The following SEPTIN10 variants were observed in gnomAD, a reference collection of about 807,000 sequenced individuals.
SEPTIN10 encodes septin 10.
A neutral mutation model predicts 54.8 loss-of-function variants in SEPTIN10; 66 were observed. That is an observed-to-expected ratio of 1.21 (90% CI 0.99 to 1.48). The LOEUF (loss-of-function observed/expected upper bound fraction) is 1.48, where lower values mean the gene tolerates loss of function less well. Among genes scored for constraint, SEPTIN10 ranks in the 40% most tolerant of loss-of-function variants. The pLI is 0.00. For synonymous variants in SEPTIN10, 161 were observed against 181.0 expected, an observed-to-expected ratio of 0.89 and a Z score of 0.89; for missense variants, 620 against 545.6, an observed-to-expected ratio of 1.14 and a Z score of -1.36.
chr2:109,573,653 T>C (rs1246582226), intron 5 of SEPTIN10, among the ~76,000 whole-genome samples: 1 of 152,204 alleles, frequency 6.6e-6, no homozygotes, highest in Non-Finnish European at 1.5e-5. Context: ...TAATTCAACT[T>C]ATACAGTTAG....
intron 1 of SEPTIN10, among the ~76,000 whole-genome samples, chr2:109,596,749 T>A (rs1164880929): frequency 5.3e-5 from 8 of 152,236 alleles, no homozygotes; most frequent in African/African-American, 1.9e-4. Context: ...ATTCATTTAC[T>A]GTGTTTCTGA....
chr2:109,584,245 G>A (rs1365478903), intron 4 of SEPTIN10, among the ~76,000 whole-genome samples: 1 of 152,156 alleles, frequency 6.6e-6, no homozygotes, highest in African/African-American at 2.4e-5. Context: ...GGGAGGCCGA[G>A]GTGGGTAGAT....
In SEPTIN10 at chr2:109,553,149, T is replaced by C; in HGVS notation, c.1099A>G (p.Lys367Glu). 6.2e-7 allele frequency: 1 copy of C among 1,614,134 alleles called. No individual in the cohort carries two copies. The highest frequency in any genetic ancestry group is 8.5e-7 in the Non-Finnish European group (1 of 1,180,042). Residue 367 changes from lysine to glutamate, a missense_variant, in exon 9 of 11, where the codon AAA (lysine) becomes GAA (glutamate). By Grantham distance (56) the Lys-to-Glu change is moderately conservative. Coordinates refer to ENST00000397712, the MANE Select transcript of SEPTIN10 (RefSeq NM_144710.5). ...TTTACTCGCTGCACAAACATCTGTT[T>C]CATTTCTTCTTCCTTCCTCTGACGT... ...GERQRKEEEM[K>E]QMFVQRVKEK...
intron 1 of SEPTIN10, among the ~76,000 whole-genome samples, chr2:109,594,443 T>A (rs1181867499): frequency 6.6e-6 from 1 of 152,150 alleles, no homozygotes; most frequent in Non-Finnish European, 1.5e-5. Flanking sequence ...ATATAAATGG[T>A]AGCTGTCTAC....
Position 109,544,287 on chromosome 2 carries a change from T to A in SEPTIN10, c.*22A>T, listed in dbSNP as rs771566314. ...TAAAGTTTGCTTGTGATGATGACCT[T>A]CTGTGCTCTGGAACTTCTGTTTTAC... On this transcript the variant is annotated 3_prime_UTR_variant, in exon 11 of 11. Coordinates refer to ENST00000397712, the MANE Select transcript of SEPTIN10 (RefSeq NM_144710.5). The A allele has an allele frequency of 3.1e-6, 5 of 1,611,500 alleles. No individual in the cohort carries two copies. The highest frequency in any genetic ancestry group is 4.2e-6 in the Non-Finnish European group (5 of 1,179,406).
chr2:109,544,795 T>A, intron 10 of SEPTIN10: 1 of 776,136 alleles, frequency 1.3e-6, no homozygotes, highest in Non-Finnish European at 1.6e-6. Context: ...TCAAAAATAA[T>A]TGCATGCCTA....
chr2:109,561,753 C>G (rs978802635), intron 8 of SEPTIN10, among the ~76,000 whole-genome samples: 1 of 152,202 alleles, frequency 6.6e-6, no homozygotes, highest in Non-Finnish European at 1.5e-5. Context: ...ACCCCATTTT[C>G]TAGGTCAAAG....
chr2:109,559,283 AC>A (rs745635388), intron 8 of SEPTIN10, among the ~76,000 whole-genome samples: 3 of 152,220 alleles, frequency 2.0e-5, no homozygotes, highest in Non-Finnish European at 2.9e-5. Context: ...ATCACATATG[AC>A]AAAGAACCAG....
In SEPTIN10 at chr2:109,562,787, G is replaced by A. The variant is rs1270649744; in HGVS notation, c.1028+1579C>T. 3.9e-5 allele frequency among the ~76,000 whole-genome samples: 6 copies of A among 152,272 alleles called. No homozygotes were observed. In the East Asian group the frequency reaches 5.8e-4, roughly 15 times the overall value. On this transcript the variant is annotated intron_variant, in intron 8 of 10. Transcript: ENST00000397712. ...TGAGAAACACTAGGGAAGCTAACTC[G>A]AGATGATTAATCTTTAGTGAAGACA...
intron 3 of SEPTIN10, 26 bp downstream of exon 3, chr2:109,585,695 T>C: frequency 6.8e-7 from 1 of 1,473,368 alleles, no homozygotes; most frequent in Non-Finnish European, 9.5e-7. Context: ...AAGGAACAAC[T>C]TAGAGGAAGA....
chr2:109,593,035 T>C lies in SEPTIN10; in HGVS notation c.99+16A>G. 1 of 1,549,742 alleles carries C rather than the reference T, an allele frequency of 6.5e-7. No individual in the cohort carries two copies. The highest frequency in any genetic ancestry group is 8.7e-7 in the Non-Finnish European group (1 of 1,145,318). On this transcript the variant is annotated intron_variant, in intron 2 of 10. Transcript: ENST00000397712. ...TTTAGAGTACAATATGGTATCTATT[T>C]AAAAGACATACTCACTATCTGTTCA...
At chr2:109,611,467 T>G in intron 1 of SEPTIN10, among the ~76,000 whole-genome samples, 1 of 151,790 alleles carries the variant, frequency 6.6e-6, no homozygotes, top group African/African-American at 2.4e-5. Flanking sequence ...CTAAAAAACT[T>G]TAAACCCAAC....
At chr2:109,555,097 T>C (rs1293706720) in intron 8 of SEPTIN10, among the ~76,000 whole-genome samples, 1 of 152,112 alleles carries the variant, frequency 6.6e-6, no homozygotes, top group Admixed American at 6.5e-5. Flanking sequence ...TTCTAGTTCC[T>C]CTTTCTTTCA....
chr2:109,564,438 T>C lies in SEPTIN10; in HGVS notation c.956A>G (p.Tyr319Cys), dbSNP rs373559304. Reference sequence around the variant, plus strand: ...CAGTTTGCAGCGCCTGTAAAGCTCATAGTGCCTGGTATGGGTCTGCTCTCG... The same window carrying C: ...CAGTTTGCAGCGCCTGTAAAGCTCACAGTGCCTGGTATGGGTCTGCTCTCG... ...DLREQTHTRH[Y>C]ELYRRCKLEE... Residue 319 changes from tyrosine (Y) to cysteine (C), a missense_variant, in exon 8 of 11, where the codon TAT becomes TGT. By Grantham distance (194) the Tyr-to-Cys change is radical (BLOSUM62 -2). Transcript: ENST00000397712. 5.0e-6 allele frequency: 8 copies of C among 1,599,446 alleles called. No homozygotes were observed. The highest frequency in any genetic ancestry group is 2.2e-5 in the East Asian group (1 of 44,626).
At chr2:109,589,877 TAAAC>T (rs1224172788) in intron 2 of SEPTIN10, among the ~76,000 whole-genome samples, 1 of 152,058 alleles carries the variant, frequency 6.6e-6, no homozygotes, top group Non-Finnish European at 1.5e-5. Flanking sequence ...GGTGAATAGA[TAAAC>T]AAACTGTAGT....
chr2:109,573,744 T>C (rs1688923133), intron 5 of SEPTIN10, among the ~76,000 whole-genome samples: 1 of 152,244 alleles, frequency 6.6e-6, no homozygotes, highest in Non-Finnish European at 1.5e-5. Flanking sequence ...GTAAGATTAC[T>C]GTCTTTAGCC....
At chr2:109,567,137 G>A (rs1687218281) in intron 6 of SEPTIN10, among the ~76,000 whole-genome samples, 1 of 152,094 alleles carries the variant, frequency 6.6e-6, no homozygotes, top group African/African-American at 2.4e-5. Flanking sequence ...GCTTAACAAA[G>A]GTGACATCAT....
rs899419000 is a variant in SEPTIN10 at position 109,543,270 on chromosome 2, C to G, written c.*1039G>C. On this transcript the variant is annotated 3_prime_UTR_variant, in exon 11 of 11. Transcript: ENST00000397712. ...TTTACCCTGGAAGACAGAGTTTAAA[C>G]AAGTATGTAATGAAAAGTTTTCCTA... The G allele has an allele frequency of 6.6e-6, 1 of 152,064 alleles. No homozygotes were observed. The highest frequency in any genetic ancestry group is 6.6e-5 in the Admixed American group (1 of 15,224). The allele number at this position is 152,064 out of a possible 1,614,324, so 9.4% of individuals were successfully genotyped here. A position where few individuals can be genotyped will look rare whatever the true frequency, so the allele number is the denominator to read the frequency against.
intron 10 of SEPTIN10, 44 bp from the exon 11 acceptor site, chr2:109,544,368 A>T (rs1350146616): frequency 3.2e-6 from 5 of 1,555,914 alleles, no homozygotes; most frequent in South Asian, 2.5e-5. Flanking sequence ...TTTAAAAAAA[A>T]TTCAAGTAAA....
Sources: allele counts gnomAD v4.1 joint callset (sites outside exome capture counted in the v4.1 genomes callset), GRCh38; gene constraint gnomAD v4.1.1; transcripts MANE v1.5; gene names NCBI Gene and HGNC (gene_info 2026-07-23, HGNC 2026-07-21).